Variants in PPM1H observed in about 807,000 individuals in gnomAD.
The protein encoded by PPM1H is protein phosphatase, Mg2+/Mn2+ dependent 1H.
PPM1H carries 27 observed loss-of-function variants against 54.9 expected under a neutral mutation model. That is an observed-to-expected ratio of 0.49 (90% CI 0.36 to 0.68). The LOEUF is 0.68. Ranked by LOEUF, PPM1H falls within the 30% of genes least tolerant of loss-of-function variation. The probability of loss-of-function intolerance (pLI) is 0.00; values close to 1 mark genes in which losing one functional copy is unlikely to be tolerated. For synonymous variants in PPM1H, 305 were observed against 270.8 expected (o/e 1.13, Z -1.24); for missense variants, 596 against 667.8 (o/e 0.89, Z 1.19).
chr12:62,927,721 C>T (rs1229712360), intron 1 of PPM1H, among the ~76,000 whole-genome samples: 1 of 150,858 alleles, frequency 6.6e-6, no homozygotes, highest in Non-Finnish European at 1.5e-5. Flanking sequence ...AAGAGGGGAC[C>T]ATTTTATATT....
At chr12:62,801,592 C>T (rs910079752) in intron 3 of PPM1H, among the ~76,000 whole-genome samples, 2 of 152,206 alleles carry the variant, frequency 1.3e-5, no homozygotes, top group African/African-American at 4.8e-5. Context: ...AAGCGTGAGC[C>T]ACCGCACTCA....
rs547366943 is a variant in PPM1H at position 62,737,745 on chromosome 12, C to T, written c.870-159G>A. Among the ~76,000 whole-genome samples the T allele has an allele frequency of 5.9e-5, 9 of 152,288 alleles. No homozygotes were observed. In the South Asian group the frequency reaches 1.9e-3, roughly 32 times the overall value. The stretch of plus-strand genomic sequence containing the variant: ...ACTGTTCCCAGCTCTGAATCCCTCA[C>T]CACATGAGAGGCATCTCTCTTTTAA... On this transcript the variant is annotated intron_variant, in intron 4 of 9. Transcript: ENST00000228705.
chr12:62,704,838 A>T (rs2076164294), intron 6 of PPM1H, among the ~76,000 whole-genome samples: 2 of 152,132 alleles, frequency 1.3e-5, no homozygotes, highest in African/African-American at 4.8e-5. Flanking sequence ...AAATCACCTG[A>T]TTGGTAGGTT....
At chr12:62,905,958 C>G (rs1230368936) in intron 1 of PPM1H, among the ~76,000 whole-genome samples, 1 of 152,138 alleles carries the variant, frequency 6.6e-6, no homozygotes, top group Non-Finnish European at 1.5e-5. Context: ...AGAAAACATT[C>G]TGGGAGAAGC....
intron 8 of PPM1H, among the ~76,000 whole-genome samples, chr12:62,675,172 G>T (rs1295577040): frequency 6.6e-6 from 1 of 152,002 alleles, no homozygotes; most frequent in Non-Finnish European, 1.5e-5. Context: ...TTTGTTTTTT[G>T]GAGTCTACAG....
At chr12:62,762,989 T>C (rs2076519070) in intron 4 of PPM1H, among the ~76,000 whole-genome samples, 1 of 151,980 alleles carries the variant, frequency 6.6e-6, no homozygotes, top group Non-Finnish European at 1.5e-5. Context: ...CTATTTTTTT[T>C]TCCAAAGCAC....
At chr12:62,889,568 GAACA>G (rs1870711611) in intron 1 of PPM1H, among the ~76,000 whole-genome samples, 1 of 152,230 alleles carries the variant, frequency 6.6e-6, no homozygotes, top group African/African-American at 2.4e-5. Flanking sequence ...GTTGGCAAAT[GAACA>G]AATACCAGTA....
intron 4 of PPM1H, among the ~76,000 whole-genome samples, chr12:62,762,862 C>T (rs1201938018): frequency 6.6e-6 from 1 of 152,180 alleles, no homozygotes; most frequent in Admixed American, 6.5e-5. Flanking sequence ...ATAAAGAACA[C>T]CTCATTGATG....
chr12:62,674,425 G>T (rs1332834144), intron 8 of PPM1H, among the ~76,000 whole-genome samples: 1 of 152,104 alleles, frequency 6.6e-6, no homozygotes, highest in Non-Finnish European at 1.5e-5. Context: ...TCAACCTATG[G>T]ATCTTTGAAT....
intron 8 of PPM1H, among the ~76,000 whole-genome samples, chr12:62,676,210 A>T (rs2075985037): frequency 6.6e-6 from 1 of 152,180 alleles, no homozygotes; most frequent in Admixed American, 6.5e-5. Context: ...TGCTTCACAC[A>T]ACCTGAGACT....
chr12:62,809,240 A>T (rs1480767405), intron 2 of PPM1H, among the ~76,000 whole-genome samples: 1 of 152,138 alleles, frequency 6.6e-6, no homozygotes, highest in African/African-American at 2.4e-5. Flanking sequence ...TAGTAGAGAC[A>T]GGGTTTCACC....
chr12:62,819,759 ATTTCT>A (rs140640309), intron 2 of PPM1H, among the ~76,000 whole-genome samples: 14,118 of 152,122 alleles, frequency 0.093, 712 homozygotes, highest in Middle Eastern at 0.13. Flanking sequence ...TTTGTATTTT[ATTTCT>A]TTTAAGTCAG....
At chr12:62,894,103 T>C (rs921647924) in intron 1 of PPM1H, among the ~76,000 whole-genome samples, 6 of 152,028 alleles carry the variant, frequency 3.9e-5, no homozygotes, top group African/African-American at 1.4e-4. Flanking sequence ...CTCCTGACAA[T>C]ACAATGTAGA....
intron 2 of PPM1H, among the ~76,000 whole-genome samples, chr12:62,815,413 A>C (rs891133801): frequency 2.0e-5 from 3 of 152,236 alleles, no homozygotes; most frequent in African/African-American, 7.2e-5. Context: ...CTGTCTTAAA[A>C]CATTAATTTA....
At chr12:62,875,632 G>A (rs1870137202) in intron 1 of PPM1H, among the ~76,000 whole-genome samples, 1 of 152,154 alleles carries the variant, frequency 6.6e-6, no homozygotes, top group Admixed American at 6.5e-5. Flanking sequence ...CTTCCATTCA[G>A]CTTCTTTAAA....
intron 2 of PPM1H, among the ~76,000 whole-genome samples, chr12:62,814,155 C>G (rs2076852107): frequency 6.6e-6 from 1 of 152,180 alleles, no homozygotes; most frequent in Non-Finnish European, 1.5e-5. Context: ...TCATAGTTCA[C>G]TGCAGCCTCA....
At chr12:62,757,847 A>G (rs2076485017) in intron 4 of PPM1H, among the ~76,000 whole-genome samples, 1 of 152,186 alleles carries the variant, frequency 6.6e-6, no homozygotes, top group South Asian at 2.1e-4. Flanking sequence ...TTAGAACACA[A>G]TTATTATCTT....
chr12:62,657,258 TTAGGTGG>T (rs1339470583), intron 9 of PPM1H, among the ~76,000 whole-genome samples: 1 of 152,194 alleles, frequency 6.6e-6, no homozygotes, highest in Non-Finnish European at 1.5e-5. Context: ...CCCTGGTTTC[TTAGGTGG>T]TAGGTTTTTA....
chr12:62,859,737 GC>G (rs150592585), intron 1 of PPM1H, among the ~76,000 whole-genome samples: 2,516 of 152,276 alleles, frequency 0.017, 33 homozygotes, highest in Middle Eastern at 0.061. Context: ...ACCAGTGCTT[GC>G]CACCAGGCCC....
Sources: allele counts gnomAD v4.1 joint callset (sites outside exome capture counted in the v4.1 genomes callset), GRCh38; gene constraint gnomAD v4.1.1; transcripts MANE v1.5; gene names NCBI Gene and HGNC (gene_info 2026-07-23, HGNC 2026-07-21).